The following PTPRT variants were observed in gnomAD, a reference collection of about 807,000 sequenced individuals.
PTPRT encodes the protein receptor-type tyrosine-protein phosphatase T.
Under a neutral mutation model 176.8 loss-of-function variants are expected in PTPRT, and 56 were observed. The observed-to-expected ratio is 0.32, with a 90% confidence interval of 0.26 to 0.40. The LOEUF (loss-of-function observed/expected upper bound fraction) is 0.40, where lower values mean the gene tolerates loss of function less well. PTPRT is among the 10% of genes least tolerant of loss of function. PTPRT has a pLI of 1.00. For synonymous variants in PTPRT, 783 were observed against 739.0 expected (o/e 1.06, Z -0.96); for missense variants, 1,540 against 1,908.2 (o/e 0.81, Z 3.60).
At chr20:42,651,925 G>A (rs2075038615) in intron 7 of PTPRT, among the ~76,000 whole-genome samples, 1 of 152,052 alleles carries the variant, frequency 6.6e-6, no homozygotes, top group Non-Finnish European at 1.5e-5. Flanking sequence ...GTGTGTGCCT[G>A]CAATCCCAGC....
At chr20:42,945,112 TTATA>T (rs999361207) in intron 1 of PTPRT, among the ~76,000 whole-genome samples, 14 of 148,712 alleles carry the variant, frequency 9.4e-5, no homozygotes, top group African/African-American at 2.9e-4. Context: ...TATGTGATAT[TTATA>T]TATATACTTT....
At chr20:42,935,124 G>A (rs1168503479) in intron 1 of PTPRT, among the ~76,000 whole-genome samples, 1 of 148,274 alleles carries the variant, frequency 6.7e-6, no homozygotes, top group Non-Finnish European at 1.5e-5. Flanking sequence ...ATCTTGGAAG[G>A]GCGTCTCATT....
rs1328967403 is a variant in PTPRT, at chr20:42,075,250, G to C, written c.*5629C>G. ...TGATTTGAAGCTGGTCACAGGCTAA[G>C]AAGGAGCTCAGACTGTTAAGTAATG... On this transcript the variant is annotated 3_prime_UTR_variant, in exon 31 of 31. Coordinates refer to ENST00000373187, the MANE Select transcript of PTPRT (RefSeq NM_007050.6). The C allele has an allele frequency of 8.4e-6, 2 of 237,174 alleles. No individual in the cohort carries two copies. The highest frequency in any genetic ancestry group is 1.7e-5 in the Non-Finnish European group (2 of 121,000). The allele number at this position is 237,174 out of a possible 1,614,324, so 14.7% of individuals were successfully genotyped here.
chr20:42,683,147 C>T (rs2075631895), intron 6 of PTPRT, among the ~76,000 whole-genome samples: 2 of 152,182 alleles, frequency 1.3e-5, no homozygotes, highest in Non-Finnish European at 2.9e-5. Context: ...CTCCACCCAC[C>T]CAACCCTAGC....
At chr20:42,110,643 T>TAATC (rs1440708618) in intron 22 of PTPRT, among the ~76,000 whole-genome samples, 156 bp from the exon 23 acceptor site, 3 of 152,202 alleles carry the variant, frequency 2.0e-5, no homozygotes, top group East Asian at 1.9e-4. Flanking sequence ...AGCGATTCTG[T>TAATC]AATCAGTTAC....
At chr20:42,335,254 T>G (rs918607692) in intron 11 of PTPRT, among the ~76,000 whole-genome samples, 4 of 152,182 alleles carry the variant, frequency 2.6e-5, no homozygotes, top group African/African-American at 9.6e-5. Flanking sequence ...GAGAGCTATG[T>G]GTCTGCCCTC....
At chr20:42,261,932 C>G (rs942381070) in intron 13 of PTPRT, among the ~76,000 whole-genome samples, 6 of 152,160 alleles carry the variant, frequency 3.9e-5, no homozygotes, top group Non-Finnish European at 5.9e-5. Context: ...CATCAGAGTG[C>G]CTGGAAAGGA....
At chr20:43,019,524 C>T (rs1985548651) in intron 1 of PTPRT, among the ~76,000 whole-genome samples, 1 of 149,132 alleles carries the variant, frequency 6.7e-6, no homozygotes, top group Non-Finnish European at 1.5e-5. Context: ...GAGGCTGAGG[C>T]AGGAGATTCA....
chr20:42,712,170 T>C (rs1021185764), intron 6 of PTPRT, among the ~76,000 whole-genome samples: 2 of 149,274 alleles, frequency 1.3e-5, no homozygotes, highest in Admixed American at 6.7e-5. Flanking sequence ...TAATCCTGAA[T>C]GACATTGTTC....
chr20:42,826,819 A>G (rs893914376), intron 2 of PTPRT, among the ~76,000 whole-genome samples: 1 of 152,210 alleles, frequency 6.6e-6, no homozygotes, highest in African/African-American at 2.4e-5. Context: ...CCCATCTCAC[A>G]TGCAATGAAT....
chr20:42,365,690 CATA>C (rs1290445189), intron 9 of PTPRT, among the ~76,000 whole-genome samples: 2 of 152,128 alleles, frequency 1.3e-5, no homozygotes, highest in East Asian at 3.8e-4. Context: ...GAAAAAATCT[CATA>C]ATGTTTTAAG....
chr20:42,626,660 C>T (rs1482530930), intron 7 of PTPRT, among the ~76,000 whole-genome samples: 7 of 152,200 alleles, frequency 4.6e-5, no homozygotes, highest in Non-Finnish European at 8.8e-5. Flanking sequence ...CCTACATTCA[C>T]AGGGCCTGAG....
intron 4 of PTPRT, among the ~76,000 whole-genome samples, chr20:42,775,765 G>A (rs2077126409): frequency 6.6e-6 from 1 of 152,140 alleles, no homozygotes; most frequent in Non-Finnish European, 1.5e-5. Context: ...GGAATACTTA[G>A]TGGAATCACT....
chr20:42,741,080 G>C (rs2146293193), intron 6 of PTPRT, among the ~76,000 whole-genome samples: 1 of 152,272 alleles, frequency 6.6e-6, no homozygotes, highest in African/African-American at 2.4e-5. Context: ...AAGGTGTAAG[G>C]AGTGAGAGGG....
intron 13 of PTPRT, chr20:42,270,304 G>T (rs966115650): frequency 2.6e-4 from 319 of 1,225,280 alleles, no homozygotes; most frequent in Admixed American, 2.2e-4. Context: ...GGGGTGGAAA[G>T]ACTGCTGATT....
intron 3 of PTPRT, among the ~76,000 whole-genome samples, chr20:42,788,847 C>T (rs939502362): frequency 6.6e-6 from 1 of 152,154 alleles, no homozygotes; most frequent in Non-Finnish European, 1.5e-5. Context: ...AAGTTCCAGG[C>T]GTGGCTAAGC....
intron 7 of PTPRT, among the ~76,000 whole-genome samples, chr20:42,529,433 T>A (rs1360777652): frequency 3.3e-5 from 5 of 152,164 alleles, no homozygotes; most frequent in Admixed American, 2.0e-4. Flanking sequence ...CAACTGCTGA[T>A]AACAGGTATC....
At chr20:42,112,720 T>TAAAC (rs1021125366) in intron 22 of PTPRT, among the ~76,000 whole-genome samples, 5 of 152,056 alleles carry the variant, frequency 3.3e-5, no homozygotes, top group East Asian at 3.9e-4. Flanking sequence ...AAACTCTCCC[T>TAAAC]AAACACATGA....
At chr20:42,083,088 G>A (rs1339517059) in intron 29 of PTPRT, among the ~76,000 whole-genome samples, 1 of 117,434 alleles carries the variant, frequency 8.5e-6, no homozygotes, top group East Asian at 3.0e-4. Context: ...CACCTTGGCT[G>A]GAAAGGACAT....
Sources: gnomAD v4.1 joint callset for allele counts (sites outside exome capture counted in the v4.1 genomes callset) on GRCh38, gnomAD v4.1.1 for gene constraint, MANE v1.5 for transcripts, NCBI Gene and HGNC (gene_info 2026-07-23, HGNC 2026-07-21) for gene names.